The following ROR2 variants were observed in gnomAD, a reference collection of about 807,000 sequenced individuals.
ROR2 encodes ROR family WNT receptor 2, also known as tyrosine-protein kinase transmembrane receptor ROR2.
ROR2 carries 33 observed loss-of-function variants against 74.9 expected under a neutral mutation model. That is an observed-to-expected ratio of 0.44 (90% CI 0.33 to 0.59). The LOEUF (loss-of-function observed/expected upper bound fraction) is 0.59. ROR2 is among the 20% of genes least tolerant of loss of function. The pLI, the probability that ROR2 is intolerant of heterozygous loss-of-function variation, is 0.02. For synonymous variants in ROR2, 586 were observed against 558.7 expected, an observed-to-expected ratio of 1.05 and a Z score of -0.69; for missense variants, 1,216 against 1,313.8, an observed-to-expected ratio of 0.93 and a Z score of 1.15.
chr9:91,800,246 G>A (rs1827329819), intron 1 of ROR2, among the ~76,000 whole-genome samples: 1 of 152,002 alleles, frequency 6.6e-6, no homozygotes, highest in Non-Finnish European at 1.5e-5. Context: ...GGAGGCTGAG[G>A]CAGGAGAATC....
At chr9:91,751,497 G>T (rs1359108291) in intron 4 of ROR2, among the ~76,000 whole-genome samples, 1 of 151,898 alleles carries the variant, frequency 6.6e-6, no homozygotes, top group Non-Finnish European at 1.5e-5. Flanking sequence ...CTGAATTCAA[G>T]GCAAAAAGCA....
chr9:91,828,086 T>C (rs1828347405), intron 1 of ROR2, among the ~76,000 whole-genome samples: 1 of 152,262 alleles, frequency 6.6e-6, no homozygotes, highest in Non-Finnish European at 1.5e-5. Context: ...GGGGTTATTT[T>C]AAATGTTTGC....
At chr9:91,762,398 A>G (rs1825940621) in intron 2 of ROR2, among the ~76,000 whole-genome samples, 1 of 152,230 alleles carries the variant, frequency 6.6e-6, no homozygotes, top group Non-Finnish European at 1.5e-5. Flanking sequence ...TAACAATAAC[A>G]TAACCTTTTT....
In ROR2 at chr9:91,905,364, C is replaced by T. The variant is rs1226624450; in HGVS notation, c.97+44503G>A. On this transcript the variant is annotated intron_variant, in intron 1 of 8. Coordinates refer to ENST00000375708, the MANE Select transcript of ROR2 (RefSeq NM_004560.4). The surrounding 1 kb of genome is among the most constrained non-coding windows in gnomAD (Gnocchi z 5.3). The stretch of plus-strand genomic sequence containing the variant: ...ATACACAACCATCACACACCATACA[C>T]ACAAGACACACAACACATACCACAC... 2.0e-5 allele frequency among the ~76,000 whole-genome samples: 3 copies of T among 151,610 alleles called. No individual in the cohort carries two copies. Among genetic ancestry groups the T allele is most frequent in the African/African-American group, 7.3e-5 (3 of 41,200 alleles).
chr9:91,909,849 T>TTTTTG (rs1830921592), intron 1 of ROR2, among the ~76,000 whole-genome samples: 4 of 104,622 alleles, frequency 3.8e-5, no homozygotes, highest in Non-Finnish European at 5.5e-5. Context: ...TTTGTTTTGT[T>TTTTTG]TTTTTTTTTT....
At chr9:91,743,600 C>G (rs982226501) in intron 4 of ROR2, among the ~76,000 whole-genome samples, 1 of 151,680 alleles carries the variant, frequency 6.6e-6, no homozygotes, top group Non-Finnish European at 1.5e-5. Context: ...AAGAAAAATA[C>G]GATAAGGACA....
chr9:91,915,629 G>T (rs1223145778), intron 1 of ROR2, among the ~76,000 whole-genome samples: 1 of 151,754 alleles, frequency 6.6e-6, no homozygotes, highest in Non-Finnish European at 1.5e-5. Flanking sequence ...GCAGGTTGCT[G>T]CTGCTGTCTT....
intron 6 of ROR2, among the ~76,000 whole-genome samples, 154 bp from the exon 7 acceptor site, chr9:91,731,309 C>G (rs1564236277): frequency 1.3e-5 from 2 of 152,150 alleles, no homozygotes; most frequent in Non-Finnish European, 2.9e-5. Flanking sequence ...AAGTCCCAAG[C>G]CCACAAATTA....
chr9:91,879,021 G>A (rs576194512), intron 1 of ROR2, among the ~76,000 whole-genome samples: 27 of 151,522 alleles, frequency 1.8e-4, no homozygotes, highest in African/African-American at 4.1e-4. Context: ...CAGCCTGGGC[G>A]ACAGAGCGAG....
At chr9:91,740,398 C>T (rs1781996002) in intron 4 of ROR2, among the ~76,000 whole-genome samples, 1 of 151,744 alleles carries the variant, frequency 6.6e-6, no homozygotes, top group South Asian at 2.1e-4. Context: ...AATACAAAAA[C>T]AAAATTAGCC....
At chr9:91,786,711 G>C (rs1333555120) in intron 1 of ROR2, among the ~76,000 whole-genome samples, 1 of 152,142 alleles carries the variant, frequency 6.6e-6, no homozygotes, top group African/African-American at 2.4e-5. Context: ...CTCTAGATTC[G>C]CCTCAGAACT....
At chr9:91,752,241 C>A (rs979846455) in intron 4 of ROR2, among the ~76,000 whole-genome samples, 1 of 152,188 alleles carries the variant, frequency 6.6e-6, no homozygotes, top group Non-Finnish European at 1.5e-5. Flanking sequence ...CTAGTTAACA[C>A]TAACAGAAAT....
At chr9:91,822,913 A>G (rs1401962732) in intron 1 of ROR2, among the ~76,000 whole-genome samples, 1 of 152,220 alleles carries the variant, frequency 6.6e-6, no homozygotes, top group Non-Finnish European at 1.5e-5. Flanking sequence ...GACAGCAAAC[A>G]CAAGGGCAGA....
At chr9:91,745,281 A>G (rs1825374350) in intron 4 of ROR2, among the ~76,000 whole-genome samples, 1 of 151,158 alleles carries the variant, frequency 6.6e-6, no homozygotes, top group Non-Finnish European at 1.5e-5. Context: ...ATCTGCCACC[A>G]TACCGGACTA....
At chr9:91,909,705 C>G (rs1830904199) in intron 1 of ROR2, among the ~76,000 whole-genome samples, 1 of 151,440 alleles carries the variant, frequency 6.6e-6, no homozygotes, top group African/African-American at 2.4e-5. Flanking sequence ...CCTGTTCCAT[C>G]TATGGGTTTT....
At chr9:91,876,131 G>T (rs949018445) in intron 1 of ROR2, among the ~76,000 whole-genome samples, 1 of 152,072 alleles carries the variant, frequency 6.6e-6, no homozygotes, top group African/African-American at 2.4e-5. Flanking sequence ...CCAGCACTTT[G>T]GGAGGCCAAG....
chr9:91,890,467 G>A (rs1036407368), intron 1 of ROR2, among the ~76,000 whole-genome samples: 1 of 152,118 alleles, frequency 6.6e-6, no homozygotes, highest in African/African-American at 2.4e-5. Context: ...TCTCGTAGAC[G>A]CTGCACTCCT....
intron 1 of ROR2, among the ~76,000 whole-genome samples, chr9:91,932,930 A>G (rs1346632033): frequency 6.6e-6 from 1 of 152,228 alleles, no homozygotes; most frequent in East Asian, 1.9e-4. Flanking sequence ...AAAAACCCAA[A>G]AAGTTCATGC....
chr9:91,788,518 G>A (rs907304026), intron 1 of ROR2, among the ~76,000 whole-genome samples: 3 of 151,630 alleles, frequency 2.0e-5, no homozygotes, highest in African/African-American at 7.3e-5. Flanking sequence ...AACCCAGGGG[G>A]ACAACACAAT....
Sources: gnomAD v4.1 joint callset for allele counts (sites outside exome capture counted in the v4.1 genomes callset) on GRCh38, gnomAD v4.1.1 for gene constraint, Gnocchi (gnomAD v3.1) non-coding constraint, MANE v1.5 for transcripts, NCBI Gene and HGNC (gene_info 2026-07-23, HGNC 2026-07-21) for gene names.